MCC: variants seen among roughly 807,000 people sequenced by gnomAD.
MCC encodes the protein colorectal mutant cancer protein.
Under a neutral mutation model 116.2 loss-of-function variants are expected in MCC, and 90 were observed. The ratio of observed to expected loss-of-function variants is 0.77; its 90% confidence interval spans 0.65 to 0.92. The LOEUF is 0.92. MCC is among the 40% of genes least tolerant of loss of function. The pLI is 0.00. For missense variants in MCC, 1,516 were observed against 1,312.2 expected, an observed-to-expected ratio of 1.16 and a Z score of -2.40; for synonymous variants, 578 against 510.5, an observed-to-expected ratio of 1.13 and a Z score of -1.78.
chr5:113,370,784 T>G (rs1768819787), intron 2 of MCC, among the ~76,000 whole-genome samples: 1 of 152,158 alleles, frequency 6.6e-6, no homozygotes, highest in Non-Finnish European at 1.5e-5. Flanking sequence ...CCCCTCCCCT[T>G]CAACACACAG....
At chr5:113,433,352 G>A (rs1770726017) in intron 1 of MCC, 2 of 409,320 alleles carry the variant, frequency 4.9e-6, no homozygotes, top group Non-Finnish European at 9.6e-6. Context: ...AACTGCCCCG[G>A]GGACGATGAA....
intron 6 of MCC, among the ~76,000 whole-genome samples, chr5:113,117,223 A>G (rs1467494206): frequency 6.6e-6 from 1 of 152,196 alleles, no homozygotes; most frequent in African/African-American, 2.4e-5. Context: ...TGACACTTGT[A>G]AACATTTTTT....
At chr5:113,429,115 G>C (rs971129573) in intron 1 of MCC, among the ~76,000 whole-genome samples, 10 of 152,176 alleles carry the variant, frequency 6.6e-5, no homozygotes, top group Non-Finnish European at 1.5e-4. Context: ...GTGTTGTATA[G>C]TGAATTGTGT....
chr5:113,471,452 C>T (rs1462311560), intron 1 of MCC, among the ~76,000 whole-genome samples: 1 of 152,132 alleles, frequency 6.6e-6, no homozygotes, highest in Non-Finnish European at 1.5e-5. Context: ...ACCCTTTCTG[C>T]CTGGGTATCG....
chr5:113,055,705 A>C (rs972857044), intron 14 of MCC, among the ~76,000 whole-genome samples: 7 of 152,212 alleles, frequency 4.6e-5, no homozygotes, highest in African/African-American at 1.7e-4. Context: ...ATGCCCAGTA[A>C]GTTCCCACGT....
intron 1 of MCC, among the ~76,000 whole-genome samples, chr5:113,395,614 T>TC (rs1205168915): frequency 2.0e-5 from 3 of 152,018 alleles, no homozygotes; most frequent in African/African-American, 7.3e-5. Context: ...CCTCCCTCTT[T>TC]CCCCCCAGGC....
intron 3 of MCC, among the ~76,000 whole-genome samples, chr5:113,176,123 G>C (rs910377694): frequency 6.6e-6 from 1 of 152,132 alleles, no homozygotes; most frequent in African/African-American, 2.4e-5. Flanking sequence ...TCCCAGCAAG[G>C]CATTTGTTAT....
chr5:113,325,894 T>C (rs942434032), intron 3 of MCC, among the ~76,000 whole-genome samples: 8 of 152,254 alleles, frequency 5.3e-5, no homozygotes, highest in African/African-American at 1.9e-4. Context: ...AACAGACACA[T>C]GATCTTAATG....
At chr5:113,341,305 T>C (rs975275688) in intron 2 of MCC, among the ~76,000 whole-genome samples, 1 of 151,954 alleles carries the variant, frequency 6.6e-6, no homozygotes, top group Non-Finnish European at 1.5e-5. Context: ...TCACGGCTCA[T>C]TGTAGCCTCA....
intron 3 of MCC, among the ~76,000 whole-genome samples, chr5:113,297,533 C>G (rs1304790277): frequency 2.6e-5 from 4 of 151,746 alleles, no homozygotes; most frequent in African/African-American, 9.7e-5. Flanking sequence ...CCACCACACT[C>G]CAGCCTGGGC....
At chr5:113,488,199 G>T in intron 1 of MCC, 46 bp downstream of exon 1, 2 of 1,570,344 alleles carry the variant, frequency 1.3e-6, no homozygotes, top group Admixed American at 1.8e-5. Context: ...GGCGCGCGGA[G>T]GGACTGATCT....
At chr5:113,141,809 G>C (rs13168126) in intron 5 of MCC, among the ~76,000 whole-genome samples, 71,125 of 152,028 alleles carry the variant, frequency 0.47, 19,630 homozygotes, top group East Asian at 0.71. Context: ...TCTTGAAATT[G>C]AGATTTCTAG....
At chr5:113,225,410 A>T (rs1043306881) in intron 3 of MCC, among the ~76,000 whole-genome samples, 1 of 152,194 alleles carries the variant, frequency 6.6e-6, no homozygotes, top group East Asian at 1.9e-4. Context: ...CTCTTCTTCA[A>T]CAAAAACTTC....
At chr5:113,035,813 G>GA (rs1268211698) in intron 17 of MCC, among the ~76,000 whole-genome samples, 3 of 151,494 alleles carry the variant, frequency 2.0e-5, no homozygotes, top group East Asian at 3.9e-4. Flanking sequence ...TACTTTATTG[G>GA]AAAAAAAATC....
intron 3 of MCC, among the ~76,000 whole-genome samples, chr5:113,337,722 T>C (rs1767902364): frequency 6.6e-6 from 1 of 152,216 alleles, no homozygotes; most frequent in Admixed American, 6.5e-5. Context: ...AGTAGCTATT[T>C]AAAAGAAAAA....
At chr5:113,098,857 T>C (rs1012944084) in intron 8 of MCC, among the ~76,000 whole-genome samples, 2 of 152,186 alleles carry the variant, frequency 1.3e-5, no homozygotes, top group Non-Finnish European at 1.5e-5. Flanking sequence ...TGATGAACTA[T>C]GGATTCAGAG....
At chr5:113,193,284 G>A (rs559872206) in intron 3 of MCC, among the ~76,000 whole-genome samples, 3 of 150,440 alleles carry the variant, frequency 2.0e-5, no homozygotes, top group South Asian at 2.1e-4. Flanking sequence ...ATTCTTAATC[G>A]CATATGCAAA....
intron 1 of MCC, among the ~76,000 whole-genome samples, chr5:113,429,766 A>C (rs561067263): frequency 1.3e-5 from 2 of 152,304 alleles, no homozygotes; most frequent in Admixed American, 1.3e-4. Context: ...AGGGCACTTC[A>C]TATAGTGAGG....
At chr5:113,461,936 G>A (rs905551158) in intron 1 of MCC, among the ~76,000 whole-genome samples, 1 of 151,958 alleles carries the variant, frequency 6.6e-6, no homozygotes, top group African/African-American at 2.4e-5. Flanking sequence ...GCTAAATAGA[G>A]GACACACTAG....
Sources: allele counts gnomAD v4.1 joint callset (sites outside exome capture counted in the v4.1 genomes callset), GRCh38; gene constraint gnomAD v4.1.1; transcripts MANE v1.5; gene names NCBI Gene and HGNC (gene_info 2026-07-23, HGNC 2026-07-21).